Variants in PRH1 observed in about 807,000 individuals in gnomAD.
PRH1 encodes the protein salivary acidic proline-rich phosphoprotein 1/2.
PRH1 carries 7 observed loss-of-function variants against 7.9 expected under a neutral mutation model. The ratio of observed to expected loss-of-function variants is 0.89; its 90% CI spans 0.50 to 1.67. The LOEUF is 1.67. Among genes scored for constraint, PRH1 ranks in the 40% most tolerant of loss-of-function variants. The probability of loss-of-function intolerance (pLI) is 0.00; values close to 1 mark genes in which losing one functional copy is unlikely to be tolerated. For missense variants in PRH1, 109 were observed against 223.6 expected, an observed-to-expected ratio of 0.49 and a Z score of 3.27; for synonymous variants, 45 against 80.8, an observed-to-expected ratio of 0.56 and a Z score of 2.38.
intron 1 of PRH1, among the ~76,000 whole-genome samples, chr12:10,976,719 A>C (rs985576247): frequency 6.6e-6 from 1 of 152,130 alleles, no homozygotes; most frequent in South Asian, 2.1e-4. Context: ...CACTTTCAGA[A>C]ATGACAAAGG....
chr12:11,154,079 TACTC>T (rs1327748106), intron 1 of PRH1, among the ~76,000 whole-genome samples: 1 of 152,168 alleles, frequency 6.6e-6, no homozygotes, highest in African/African-American at 2.4e-5. Flanking sequence ...GTATTCAACA[TACTC>T]AATACTGGAG....
intron 1 of PRH1, among the ~76,000 whole-genome samples, chr12:11,018,763 T>C (rs1311244539): frequency 6.6e-6 from 1 of 152,218 alleles, no homozygotes; most frequent in African/African-American, 2.4e-5. Context: ...CCACATCCCC[T>C]CCTAATGGAT....
chr12:10,959,825 C>G (rs1938152997), intron 2 of PRH1, among the ~76,000 whole-genome samples: 2 of 152,194 alleles, frequency 1.3e-5, no homozygotes, highest in South Asian at 4.2e-4. Context: ...CATGAGATCA[C>G]CAACAAAACA....
chr12:11,079,454 A>C (rs551232006), intron 1 of PRH1, among the ~76,000 whole-genome samples: 1 of 118,246 alleles, frequency 8.5e-6, no homozygotes, highest in South Asian at 2.3e-4. Context: ...AACTAGCTTC[A>C]AGATGCAGTA....
At chr12:10,948,782 T>C (rs189412231) in intron 2 of PRH1, among the ~76,000 whole-genome samples, 223 of 152,296 alleles carry the variant, frequency 1.5e-3, no homozygotes, top group African/African-American at 5.1e-3. Flanking sequence ...GCACAGTAAA[T>C]AGACTTCCTT....
At chr12:11,156,074 CT>C (rs1438532085) in intron 1 of PRH1, among the ~76,000 whole-genome samples, 1 of 152,074 alleles carries the variant, frequency 6.6e-6, no homozygotes, top group African/African-American at 2.4e-5. Context: ...ATTTTCATTC[CT>C]TCTTGCATCT....
intron 1 of PRH1, among the ~76,000 whole-genome samples, chr12:11,100,659 A>AT (rs1397788881): frequency 6.6e-6 from 1 of 152,250 alleles, no homozygotes; most frequent in East Asian, 1.9e-4. Context: ...TTATCAAAAA[A>AT]TGACGGCATT....
chr12:10,964,708 TC>T, intron 2 of PRH1: 1 of 653,932 alleles, frequency 1.5e-6, no homozygotes, highest in Non-Finnish European at 2.7e-6. Context: ...AATCTGGAGA[TC>T]CTTTGCCATG....
intron 2 of PRH1, among the ~76,000 whole-genome samples, chr12:10,949,896 T>C (rs1232959520): frequency 6.6e-6 from 1 of 152,210 alleles, no homozygotes; most frequent in Non-Finnish European, 1.5e-5. Context: ...CTTATATGTT[T>C]CGTTTTAGAG....
intron 1 of PRH1, among the ~76,000 whole-genome samples, chr12:11,144,276 G>A (rs1946799987): frequency 1.3e-5 from 2 of 152,074 alleles, no homozygotes; most frequent in Non-Finnish European, 2.9e-5. Context: ...GCTGCTGTGG[G>A]GGATGGGGAT....
At chr12:11,080,642 G>A (rs1232316522) in intron 1 of PRH1, among the ~76,000 whole-genome samples, 1,306 of 54,464 alleles carry the variant, frequency 0.024, 4 homozygotes, top group Admixed American at 0.038. Context: ...ATTCAATCCA[G>A]GAAGACACTA....
intron 2 of PRH1, among the ~76,000 whole-genome samples, chr12:10,931,577 C>T (rs185083907): frequency 6.6e-6 from 1 of 152,270 alleles, no homozygotes; most frequent in Admixed American, 6.5e-5. Context: ...ACTAATCTCA[C>T]TGAATAGACA....
At chr12:11,072,162 G>C (rs1218767436) in intron 1 of PRH1, among the ~76,000 whole-genome samples, 4 of 152,168 alleles carry the variant, frequency 2.6e-5, no homozygotes, top group African/African-American at 9.6e-5. Context: ...TCTTTTTTTA[G>C]TTTTTGTAGA....
chr12:10,936,731 A>G (rs1950294507), intron 2 of PRH1, among the ~76,000 whole-genome samples: 1 of 152,100 alleles, frequency 6.6e-6, no homozygotes, highest in Non-Finnish European at 1.5e-5. Context: ...TCCTCTTTTT[A>G]TAAAGACACC....
At chr12:11,026,575 G>T (rs570987075) in intron 1 of PRH1, among the ~76,000 whole-genome samples, 1 of 151,912 alleles carries the variant, frequency 6.6e-6, no homozygotes, top group Non-Finnish European at 1.5e-5. Context: ...TATAATAACC[G>T]CATTCCCTAA....
chr12:11,104,201 AAAGG>A, intron 1 of PRH1, among the ~76,000 whole-genome samples: 2 of 138,412 alleles, frequency 1.4e-5, no homozygotes, highest in Admixed American at 1.5e-4. Flanking sequence ...AAAAAAAAAA[AAAGG>A]AAGAAAATAG....
At chr12:11,030,889 C>G in intron 1 of PRH1, 4 of 1,614,206 alleles carry the variant, frequency 2.5e-6, no homozygotes, top group Non-Finnish European at 3.4e-6. Flanking sequence ...CAATCTCTTT[C>G]ATGTTTATCA....
intron 1 of PRH1, among the ~76,000 whole-genome samples, chr12:11,139,515 T>C (rs1946647585): frequency 3.3e-5 from 5 of 152,252 alleles, no homozygotes; most frequent in Admixed American, 3.3e-4. Flanking sequence ...TATTTTTCCA[T>C]CTTGATAATT....
At chr12:11,077,796 C>A in intron 1 of PRH1, 1 of 1,138,466 alleles carries the variant, frequency 8.8e-7, no homozygotes, top group Non-Finnish European at 1.3e-6. Context: ...CACTGTCATC[C>A]ATGGTTATCA....
Sources: allele counts gnomAD v4.1 joint callset (sites outside exome capture counted in the v4.1 genomes callset), GRCh38; gene constraint gnomAD v4.1.1; transcripts MANE v1.5; gene names NCBI Gene and HGNC (gene_info 2026-07-23, HGNC 2026-07-21).